Variants in INTS7 observed in about 807,000 individuals in gnomAD.
INTS7 encodes the protein chromosome 1 open reading frame 73.
In INTS7, 46 loss-of-function variants were observed where a neutral mutation model predicts 109.2. The ratio of observed to expected loss-of-function variants is 0.42; its 90% confidence interval spans 0.33 to 0.54. INTS7 has a LOEUF of 0.54. Ranked by LOEUF, INTS7 falls within the 20% of genes least tolerant of loss-of-function variation. INTS7 has a pLI of 0.07. For synonymous variants in INTS7, 412 were observed against 402.9 expected (o/e 1.02, Z -0.27); for missense variants, 929 against 1,132.4 (o/e 0.82, Z 2.58).
intron 1 of INTS7, among the ~76,000 whole-genome samples, chr1:212,032,207 C>T (rs1014943746): frequency 6.6e-6 from 1 of 150,916 alleles, no homozygotes; most frequent in African/African-American, 2.5e-5. Context: ...CAGCACTTCA[C>T]ACATTTTCAG....
At chr1:211,985,685 T>C (rs1167879923) in intron 8 of INTS7, among the ~76,000 whole-genome samples, 1 of 152,240 alleles carries the variant, frequency 6.6e-6, no homozygotes, top group African/African-American at 2.4e-5. Context: ...AGTTCAGGCC[T>C]AGGCTCAGAC....
At chr1:212,011,825 A>C (rs191703437) in intron 4 of INTS7, among the ~76,000 whole-genome samples, 6 of 152,342 alleles carry the variant, frequency 3.9e-5, no homozygotes, top group African/African-American at 1.2e-4. Flanking sequence ...CCATATAAAG[A>C]CTTCTCATAA....
chr1:211,975,586 A>C (rs1002392096), intron 12 of INTS7, among the ~76,000 whole-genome samples: 2 of 152,252 alleles, frequency 1.3e-5, no homozygotes, highest in African/African-American at 4.8e-5. Flanking sequence ...AATGCTTGAA[A>C]TTCTTTACTA....
Position 211,940,857 on chromosome 1 carries a change from G to C in INTS7, c.*967C>G, listed in dbSNP as rs1467352227. The C allele has an allele frequency of 6.6e-6, 1 of 152,088 alleles. No individual in the cohort carries two copies. Among genetic ancestry groups the C allele is most frequent in the African/African-American group, 2.4e-5 (1 of 41,402 alleles). The allele number at this position is 152,088 out of a possible 1,614,324, so 9.4% of individuals were successfully genotyped here. A position where few individuals can be genotyped will look rare whatever the true frequency, so the allele number is the denominator to read the frequency against. ...ATTAAATGAGTGTTCTTCACTTTTG[G>C]AAACAATGTGAAATGTCTGTATTAT... On this transcript the variant is annotated 3_prime_UTR_variant, in exon 20 of 20. Transcript: ENST00000366994.
Position 212,007,912 on chromosome 1 carries a change from T to C in INTS7, c.557-463A>G, listed in dbSNP as rs184775140. On this transcript the variant is annotated intron_variant, in intron 5 of 19. Coordinates refer to ENST00000366994, the MANE Select transcript of INTS7 (RefSeq NM_015434.4). ...GAATGGTTTCGAAGTCCTCTGAACT[T>C]TGTGTAGTAAATGCCTTTCTTTATT... Among the ~76,000 whole-genome samples, 10 of 152,280 alleles carry C rather than the reference T, an allele frequency of 6.6e-5. No homozygotes were observed. The East Asian group carries it at 7.7e-4, about 12-fold the overall frequency.
intron 1 of INTS7, among the ~76,000 whole-genome samples, chr1:212,022,123 C>T (rs557947532): frequency 5.1e-4 from 77 of 152,140 alleles, no homozygotes; most frequent in Non-Finnish European, 1.1e-3. Flanking sequence ...CAACAAGAAT[C>T]AACCTCCACC....
At chr1:211,960,175 T>C (rs1458025887) in intron 16 of INTS7, among the ~76,000 whole-genome samples, 1 of 152,030 alleles carries the variant, frequency 6.6e-6, no homozygotes, top group African/African-American at 2.4e-5. Flanking sequence ...CCAGAGCAGG[T>C]AGTCCAGGAG....
At chr1:211,968,730 A>C in intron 13 of INTS7, 23 bp from the exon 14 acceptor site, 1 of 1,577,268 alleles carries the variant, frequency 6.3e-7, no homozygotes, top group African/African-American at 1.4e-5. Context: ...AAAAAAAGAG[A>C]TATTTAAGAC....
chr1:211,973,061 C>T (rs1664251588), intron 13 of INTS7, among the ~76,000 whole-genome samples: 1 of 152,184 alleles, frequency 6.6e-6, no homozygotes, highest in South Asian at 2.1e-4. Flanking sequence ...GGTGATTCTC[C>T]CACCTCAGCC....
At chr1:211,967,451 CAAAAAAAAAAA>C (rs35896290) in intron 15 of INTS7, among the ~76,000 whole-genome samples, 2 of 82,450 alleles carry the variant, frequency 2.4e-5, no homozygotes, top group Non-Finnish European at 4.4e-5. Flanking sequence ...GACTCCATCT[CAAAAAAAAAAA>C]AAAAAAAAAA....
rs759049661 is a variant in INTS7 at position 212,016,943 on chromosome 1, T to C, written c.452A>G (p.Asp151Gly). ...HSIRQSLDSH[D>G]NVEVEAAVFA... Reference sequence around the variant, plus strand: ...AACAGCAGCTTCAACTTCTACATTATCATGTGAATCTAAACTCTGACGAAT... The same window carrying C: ...AACAGCAGCTTCAACTTCTACATTACCATGTGAATCTAAACTCTGACGAAT... The change falls in exon 4 of 20, where the codon GAT becomes GGT. Residue 151 changes from aspartate to glycine, a missense_variant. Around this residue, in one of 2 missense-constraint regions of INTS7, gnomAD observed 142 missense variants for 231.4 expected, o/e 0.61. Transcript: ENST00000366994. 5 of 1,607,062 alleles carry C rather than the reference T, an allele frequency of 3.1e-6. No homozygotes were observed. In the East Asian group the frequency reaches 1.1e-4, roughly 36 times the overall value.
At chr1:211,976,112 T>G (rs1001515787) in intron 12 of INTS7, among the ~76,000 whole-genome samples, 10 of 152,176 alleles carry the variant, frequency 6.6e-5, no homozygotes, top group African/African-American at 2.4e-4. Context: ...AGGATTTCTG[T>G]ACTAACCAAG....
chr1:211,971,404 TAGAG>T (rs1664161829), intron 13 of INTS7, among the ~76,000 whole-genome samples: 1 of 152,134 alleles, frequency 6.6e-6, no homozygotes, highest in Non-Finnish European at 1.5e-5. Context: ...ATCAACACTA[TAGAG>T]TGGGAAAATA....
chr1:212,021,009 AG>A, intron 2 of INTS7, 73 bp downstream of exon 2: 1 of 1,403,028 alleles, frequency 7.1e-7, no homozygotes, highest in Non-Finnish European at 9.7e-7. Context: ...AAAGGCAAAA[AG>A]AAAAAGACCA....
intron 16 of INTS7, among the ~76,000 whole-genome samples, chr1:211,955,881 C>A (rs1371673907): frequency 6.6e-6 from 1 of 152,150 alleles, no homozygotes; most frequent in African/African-American, 2.4e-5. Context: ...CTGTTCTGTA[C>A]TATATCTTAA....
intron 7 of INTS7, among the ~76,000 whole-genome samples, chr1:211,992,366 T>A (rs1045268304): frequency 3.9e-5 from 6 of 152,284 alleles, no homozygotes; most frequent in African/African-American, 1.4e-4. Flanking sequence ...TTTTACCATT[T>A]AAAAAACTGA....
At chr1:212,014,591 GC>G (rs1471221723) in intron 4 of INTS7, among the ~76,000 whole-genome samples, 1 of 128,178 alleles carries the variant, frequency 7.8e-6, no homozygotes, top group Non-Finnish European at 1.6e-5. Context: ...TCCCTCTGAT[GC>G]CGAGCGGAGG....
chr1:212,006,595 G>A, intron 7 of INTS7, 44 bp downstream of exon 7: 1 of 995,822 alleles, frequency 1.0e-6, no homozygotes, highest in Non-Finnish European at 1.4e-6. Flanking sequence ...ATATTATAAT[G>A]TTATATTATT....
intron 7 of INTS7, among the ~76,000 whole-genome samples, chr1:211,999,178 C>A (rs1038530414): frequency 6.6e-6 from 1 of 152,202 alleles, no homozygotes; most frequent in South Asian, 2.1e-4. Flanking sequence ...TGTATGATTG[C>A]AGCTTTATTC....
Sources: gnomAD v4.1 joint callset for allele counts (sites outside exome capture counted in the v4.1 genomes callset) on GRCh38, gnomAD v4.1.1 for gene constraint, gnomAD v4.1.1 regional missense constraint, MANE v1.5 for transcripts, NCBI Gene and HGNC (gene_info 2026-07-23, HGNC 2026-07-21) for gene names.